Variants in TBC1D22A observed in about 807,000 individuals in gnomAD.
TBC1D22A encodes the protein putative GTPase activator.
A neutral mutation model predicts 60.2 loss-of-function variants in TBC1D22A; 38 were observed. That is an observed-to-expected ratio of 0.63 (90% confidence interval 0.49 to 0.83). The LOEUF (loss-of-function observed/expected upper bound fraction) is 0.83, where lower values mean the gene tolerates loss of function less well. Among genes scored for constraint, TBC1D22A ranks in the 40% least tolerant of loss-of-function variants. The pLI is 0.00. For missense variants in TBC1D22A, 628 were observed against 701.0 expected, an observed-to-expected ratio of 0.90 and a Z score of 1.18; for synonymous variants, 302 against 281.7, an observed-to-expected ratio of 1.07 and a Z score of -0.72.
intron 11 of TBC1D22A, among the ~76,000 whole-genome samples, chr22:47,071,028 G>A (rs2063966728): frequency 1.3e-5 from 2 of 152,236 alleles, no homozygotes; most frequent in African/African-American, 4.8e-5. Flanking sequence ...GTGAACCTAA[G>A]AGTATAAACA....
chr22:47,123,112 C>T (rs557347993), intron 12 of TBC1D22A, among the ~76,000 whole-genome samples: 2 of 152,266 alleles, frequency 1.3e-5, no homozygotes, highest in African/African-American at 4.8e-5. Flanking sequence ...AGGGGTGTTC[C>T]CGTGAGGTTC....
chr22:47,037,282 C>T (rs544953146), intron 11 of TBC1D22A, 84 bp downstream of exon 11: 3 of 1,557,248 alleles, frequency 1.9e-6, no homozygotes, highest in African/African-American at 1.4e-5. Context: ...GGCCTGTGTG[C>T]TGCATTCGAT....
chr22:46,900,621 T>C (rs2068940162), intron 7 of TBC1D22A, among the ~76,000 whole-genome samples: 1 of 152,236 alleles, frequency 6.6e-6, no homozygotes, highest in Non-Finnish European at 1.5e-5. Context: ...TTGTAGAATT[T>C]CATATAAATG....
intron 10 of TBC1D22A, among the ~76,000 whole-genome samples, chr22:47,002,475 T>C (rs1207129253): frequency 1.3e-5 from 2 of 152,262 alleles, no homozygotes; most frequent in African/African-American, 4.8e-5. Flanking sequence ...GACGTCTGTA[T>C]AAATGAGATA....
At chr22:46,892,127 TC>T (rs1855080912) in intron 6 of TBC1D22A, among the ~76,000 whole-genome samples, 1 of 152,186 alleles carries the variant, frequency 6.6e-6, no homozygotes, top group Non-Finnish European at 1.5e-5. Flanking sequence ...AAATGGTGGT[TC>T]TTAATTGGTA....
intron 12 of TBC1D22A, among the ~76,000 whole-genome samples, chr22:47,146,066 G>A (rs113883417): frequency 0.02 from 2,977 of 148,900 alleles, 99 homozygotes; most frequent in African/African-American, 0.064. Context: ...GGCCTGTCCC[G>A]TGCTGTTCCT....
chr22:46,912,067 C>A lies in TBC1D22A; in HGVS notation c.901-7C>A. The A allele has an allele frequency of 6.2e-7, 1 of 1,607,374 alleles. No homozygotes were observed. Among genetic ancestry groups the A allele is most frequent in the Non-Finnish European group, 8.5e-7 (1 of 1,176,814 alleles). ...TTTGCTTTACCACCTGTTCCATTTT[C>A]TTTCAGATTTTTGAAAGGATCTTGT... On this transcript the variant is annotated splice_region_variant and splice_polypyrimidine_tract_variant and intron_variant, in intron 7 of 12. Transcript: ENST00000337137.
chr22:47,107,122 T>C (rs542875358), intron 11 of TBC1D22A, among the ~76,000 whole-genome samples: 1 of 152,322 alleles, frequency 6.6e-6, no homozygotes, highest in South Asian at 2.1e-4. Context: ...AAGTTAAATA[T>C]ACATGTTAAA....
chr22:47,059,435 CT>C (rs1306749001), intron 11 of TBC1D22A, among the ~76,000 whole-genome samples: 1 of 152,238 alleles, frequency 6.6e-6, no homozygotes, highest in Non-Finnish European at 1.5e-5. Context: ...TTTGCGCCTT[CT>C]TTCCACGGGA....
At chr22:46,966,418 TA>T (rs1305785516) in intron 8 of TBC1D22A, among the ~76,000 whole-genome samples, 1 of 152,228 alleles carries the variant, frequency 6.6e-6, no homozygotes, top group African/African-American at 2.4e-5. Context: ...TTCCAGGCAC[TA>T]ACATGTTCTT....
chr22:47,138,257 C>T (rs2066947371), intron 12 of TBC1D22A, among the ~76,000 whole-genome samples: 1 of 152,230 alleles, frequency 6.6e-6, no homozygotes, highest in Non-Finnish European at 1.5e-5. Context: ...TTGCAGTGTG[C>T]TCTGTGCCCC....
intron 4 of TBC1D22A, among the ~76,000 whole-genome samples, chr22:46,804,358 A>G (rs908381718): frequency 2.0e-5 from 3 of 152,260 alleles, no homozygotes; most frequent in Non-Finnish European, 2.9e-5. Flanking sequence ...AATAAAACCA[A>G]CAAACCAAAA....
chr22:47,060,776 A>G (rs1391809135), intron 11 of TBC1D22A, among the ~76,000 whole-genome samples: 2 of 152,184 alleles, frequency 1.3e-5, no homozygotes, highest in African/African-American at 2.4e-5. Flanking sequence ...AGGGCACACA[A>G]TTTAGCGGAG....
chr22:46,843,736 A>G (rs2086875122), intron 4 of TBC1D22A, among the ~76,000 whole-genome samples: 1 of 152,046 alleles, frequency 6.6e-6, no homozygotes, highest in South Asian at 2.1e-4. Flanking sequence ...GGGTAAACTG[A>G]GATGTATGAT....
chr22:47,086,935 G>T (rs2147594107), intron 11 of TBC1D22A, among the ~76,000 whole-genome samples: 1 of 152,356 alleles, frequency 6.6e-6, no homozygotes, highest in African/African-American at 2.4e-5. Flanking sequence ...AGTAGCAAAA[G>T]ATAGATATCC....
At chr22:46,886,127 C>T (rs1478470710) in intron 5 of TBC1D22A, among the ~76,000 whole-genome samples, 1 of 152,124 alleles carries the variant, frequency 6.6e-6, no homozygotes, top group South Asian at 2.1e-4. Context: ...TCTCAATCTC[C>T]TGACCTCGTG....
chr22:47,123,342 G>A (rs978238724), intron 12 of TBC1D22A, among the ~76,000 whole-genome samples: 8 of 152,224 alleles, frequency 5.3e-5, no homozygotes, highest in African/African-American at 1.9e-4. Context: ...TTTGCACCCA[G>A]CCGAGCACCT....
At chr22:46,812,494 T>G (rs1257294154) in intron 4 of TBC1D22A, among the ~76,000 whole-genome samples, 4 of 152,214 alleles carry the variant, frequency 2.6e-5, no homozygotes. Context: ...GGTCACACTG[T>G]GGGCTGCCTG....
At chr22:47,064,944 G>A (rs1296096299) in intron 11 of TBC1D22A, among the ~76,000 whole-genome samples, 2 of 152,144 alleles carry the variant, frequency 1.3e-5, no homozygotes, top group African/African-American at 4.8e-5. Flanking sequence ...TCTAAGGGAT[G>A]TATCAAGGTT....
Sources: allele counts gnomAD v4.1 joint callset (sites outside exome capture counted in the v4.1 genomes callset), GRCh38; gene constraint gnomAD v4.1.1; transcripts MANE v1.5; gene names NCBI Gene and HGNC (gene_info 2026-07-23, HGNC 2026-07-21).